ATP1A2: variants seen among roughly 807,000 people sequenced by gnomAD.
ATP1A2 encodes sodium/potassium-transporting ATPase subunit alpha-2.
Under a neutral mutation model 113.1 loss-of-function variants are expected in ATP1A2, and 56 were observed. The ratio of observed to expected loss-of-function variants is 0.49; its 90% CI spans 0.40 to 0.62. The LOEUF is 0.62. Ranked by LOEUF, ATP1A2 falls within the 20% of genes least tolerant of loss-of-function variation. ATP1A2 has a pLI of 0.00. For synonymous variants in ATP1A2, 490 were observed against 526.8 expected, an observed-to-expected ratio of 0.93 and a Z score of 0.96; for missense variants, 712 against 1,357.8, an observed-to-expected ratio of 0.52 and a Z score of 7.47.
chr1:160,122,256 A>T lies in ATP1A2; in HGVS notation c.178-957A>T, dbSNP rs577255793. Among the ~76,000 whole-genome samples, 3 of 152,146 alleles carry T rather than the reference A, an allele frequency of 2.0e-5. No homozygotes were observed. The South Asian group carries it at 6.2e-4, about 32-fold the overall frequency. ...ACCTTACTTTATTTTCCTTAGTAAC[A>T]CTTTTCTATCTGGCACTAATATGTA... On this transcript the variant is annotated intron_variant, in intron 3 of 22. Transcript: ENST00000361216.
Position 160,120,470 on chromosome 1 carries a change from G to A in ATP1A2, c.13-436G>A, listed in dbSNP as rs574581186. ...TCTAAGTAAAATTGCCATGGTGTTGGGCTAAGACATTCCTACAGAGTGATT... is the reference window on the plus strand; with the variant it reads ...TCTAAGTAAAATTGCCATGGTGTTGAGCTAAGACATTCCTACAGAGTGATT... On this transcript the variant is annotated intron_variant, in intron 1 of 22. Coordinates refer to ENST00000361216, the MANE Select transcript of ATP1A2 (RefSeq NM_000702.4). Among the ~76,000 whole-genome samples, 5 of 152,128 alleles carry A rather than the reference G, an allele frequency of 3.3e-5. No individual in the cohort carries two copies. In the South Asian group the frequency reaches 8.3e-4, roughly 25 times the overall value.
chr1:160,133,839 A>C (rs994553660), intron 13 of ATP1A2, among the ~76,000 whole-genome samples: 2 of 152,076 alleles, frequency 1.3e-5, no homozygotes, highest in African/African-American at 4.8e-5. Flanking sequence ...TATCTCCTAA[A>C]TAATCCTAAA....
chr1:160,116,969 G>T (rs1159407514), intron 1 of ATP1A2, among the ~76,000 whole-genome samples: 1 of 152,164 alleles, frequency 6.6e-6, no homozygotes, highest in Non-Finnish European at 1.5e-5. Flanking sequence ...GTGTGTGTGT[G>T]AGTGTGTGTC....
chr1:160,125,031 C>A, intron 6 of ATP1A2, 105 bp from the exon 7 acceptor site: 1 of 891,048 alleles, frequency 1.1e-6, no homozygotes, highest in South Asian at 1.3e-5. Context: ...TGACTTTGTT[C>A]CTCGTGTCAT....
chr1:160,119,957 G>A (rs1373509964), intron 1 of ATP1A2, among the ~76,000 whole-genome samples: 2 of 152,006 alleles, frequency 1.3e-5, no homozygotes, highest in African/African-American at 2.4e-5. Flanking sequence ...TAGAAGCGGA[G>A]GGTGCAGTGA....
intron 22 of ATP1A2, 150 bp downstream of exon 22, chr1:160,140,134 T>C (rs1401534030): frequency 5.1e-6 from 4 of 785,498 alleles, no homozygotes; most frequent in Non-Finnish European, 8.5e-6. Flanking sequence ...CCAGGAGCCC[T>C]GACTCTTTCG....
At chr1:160,127,943 C>T in intron 8 of ATP1A2, 123 bp downstream of exon 8, 10 of 1,337,404 alleles carry the variant, frequency 7.5e-6, no homozygotes, top group South Asian at 3.0e-5. Context: ...TTATTGGATG[C>T]GATACTCAGA....
rs199749129 is a variant in ATP1A2 at position 160,130,431 on chromosome 1, A to T, written c.1661A>T (p.Gln554Leu). 14 of 1,614,190 alleles carry T rather than the reference A, an allele frequency of 8.7e-6. No homozygotes were observed. In the Admixed American group the frequency reaches 1.8e-4, roughly 21 times the overall value. ...TTCTGCCCCCCTTTAGGATTCTGTC[A>T]ACTGAATCTGCCATCTGGAAAGTTT... is the stretch of plus-strand genomic sequence containing the variant. Reference protein sequence around the residue: ...GLGERVLGFCQLNLPSGKFPR... With the variant: ...GLGERVLGFCLLNLPSGKFPR... Residue 554 changes from glutamine (Q) to leucine (L), a missense_variant, in exon 13 of 23, where the codon CAA becomes CTA. This residue lies in a region of ATP1A2 where 263 missense variants were observed against 380.6 expected (regional missense o/e 0.69). Transcript: ENST00000361216.
intron 3 of ATP1A2, 128 bp from the exon 4 acceptor site, chr1:160,123,085 C>T (rs111452913): frequency 1.9e-6 from 2 of 1,071,970 alleles, no homozygotes. Context: ...TGGTCCCCCA[C>T]CCCTTCCAAC....
Position 160,130,425 on chromosome 1 carries a change from T to C in ATP1A2, c.1655T>C (p.Phe552Ser). 6.2e-7 allele frequency: 1 copy of C among 1,614,212 alleles called. No homozygotes were observed. The change falls in exon 13 of 23, where the codon TTC becomes TCC. Residue 552 changes from phenylalanine to serine, a missense_variant. Phe to Ser is a radical substitution (Grantham distance 155). This residue lies in a region of ATP1A2 where 263 missense variants were observed against 380.6 expected (regional missense o/e 0.69). Transcript: ENST00000361216. ...LGGLGERVLG[F>S]CQLNLPSGKF... ...GATCCCTTCTGCCCCCCTTTAGGATTCTGTCAACTGAATCTGCCATCTGGA... is the reference window on the plus strand; with the variant it reads ...GATCCCTTCTGCCCCCCTTTAGGATCCTGTCAACTGAATCTGCCATCTGGA...
intron 8 of ATP1A2, chr1:160,128,348 C>T (rs1384843945): frequency 1.5e-5 from 10 of 657,016 alleles, no homozygotes; most frequent in Non-Finnish European, 2.7e-5. Flanking sequence ...GAGCCAATCT[C>T]CTCCCAGTTT....
chr1:160,121,155 AC>A (rs1558002559), intron 2 of ATP1A2, 36 bp from the exon 3 acceptor site: 1 of 1,612,710 alleles, frequency 6.2e-7, no homozygotes, highest in East Asian at 2.2e-5. Flanking sequence ...CATCTTAGAT[AC>A]CTCCTCCCCA....
Position 160,128,738 on chromosome 1 carries a change from G to A in ATP1A2, c.1104G>A (p.Thr368=), listed in dbSNP as rs138766432. 103 of 1,614,144 alleles carry A rather than the reference G, an allele frequency of 6.4e-5. No individual in the cohort carries two copies. In the South Asian group the frequency reaches 9.0e-4, roughly 14 times the overall value. ...AGGCGGTGGAGACGCTGGGCTCCAC[G>A]TCCACCATCTGCTCGGACAAGACGG... ...NLEAVETLGS[T]STICSDKTGT... Residue 368 remains threonine, a synonymous_variant, in exon 9 of 23, where the codon ACG becomes ACA. Coordinates refer to ENST00000361216, the MANE Select transcript of ATP1A2 (RefSeq NM_000702.4).
intron 14 of ATP1A2, among the ~76,000 whole-genome samples, 178 bp from the exon 15 acceptor site, chr1:160,134,967 A>G (rs1005006444): frequency 6.6e-6 from 1 of 152,124 alleles, no homozygotes; most frequent in African/African-American, 2.4e-5. Flanking sequence ...GAGGATTTAG[A>G]CTCACATTCT....
chr1:160,140,033 C>T (rs1162818857), intron 22 of ATP1A2, 49 bp downstream of exon 22: 2 of 1,570,780 alleles, frequency 1.3e-6, no homozygotes, highest in Non-Finnish European at 8.7e-7. Flanking sequence ...CCACCACCAG[C>T]TCCTCCCTCC....
At chr1:160,128,603 A>G (rs1651660461) in intron 8 of ATP1A2, 49 bp from the exon 9 acceptor site, 9 of 1,613,728 alleles carry the variant, frequency 5.6e-6, no homozygotes, top group Non-Finnish European at 7.6e-6. Flanking sequence ...GGTTATGGCC[A>G]TCTCCGGCTT....
At chr1:160,127,436 G>C in intron 7 of ATP1A2, 116 bp from the exon 8 acceptor site, 6 of 1,473,370 alleles carry the variant, frequency 4.1e-6, no homozygotes, top group Non-Finnish European at 5.6e-6. Context: ...GTGGCCTCCA[G>C]ATCTGCGGCT....
At chr1:160,130,677 A>G in intron 13 of ATP1A2, 80 bp downstream of exon 13, 1 of 1,597,990 alleles carries the variant, frequency 6.3e-7, no homozygotes, top group Non-Finnish European at 8.5e-7. Flanking sequence ...GCTGCCCTGG[A>G]AAGGCCCAGG....
Position 160,139,761 on chromosome 1 carries a change from G to A in ATP1A2, c.2942+20G>A, listed in dbSNP as rs759929964. The stretch of plus-strand genomic sequence containing the variant: ...GCTCAAGTGAGTGTCTCTTTCGGGC[G>A]GCCTGAGTAGTCATACGGGGGGCCT... On this transcript the variant is annotated intron_variant, in intron 21 of 22. Transcript: ENST00000361216. 9.3e-6 allele frequency: 15 copies of A among 1,613,722 alleles called. No homozygotes were observed. Among genetic ancestry groups the A allele is most frequent in the Middle Eastern group, 1.6e-4 (1 of 6,082 alleles).
Sources: allele counts gnomAD v4.1 joint callset (sites outside exome capture counted in the v4.1 genomes callset), GRCh38; gene constraint gnomAD v4.1.1; regional missense constraint gnomAD v4.1.1; transcripts MANE v1.5; gene names NCBI Gene and HGNC (gene_info 2026-07-23, HGNC 2026-07-21).